Variants in TMTC1 observed in about 807,000 individuals in gnomAD.
TMTC1 encodes the protein protein O-mannosyl-transferase TMTC1.
TMTC1 carries 73 observed loss-of-function variants against 104.8 expected under a neutral mutation model. That is an observed-to-expected ratio of 0.70 (90% confidence interval 0.58 to 0.85). TMTC1 has a LOEUF of 0.85. Among genes scored for constraint, TMTC1 ranks in the 40% least tolerant of loss-of-function variants. The probability of loss-of-function intolerance (pLI) is 0.00; values close to 1 mark genes in which losing one functional copy is unlikely to be tolerated. For synonymous variants in TMTC1, 434 were observed against 428.7 expected (o/e 1.01, Z -0.15); for missense variants, 1,035 against 1,096.1 (o/e 0.94, Z 0.79).
At chr12:29,642,786 G>A (rs1027923142) in intron 5 of TMTC1, among the ~76,000 whole-genome samples, 1 of 152,018 alleles carries the variant, frequency 6.6e-6, no homozygotes, top group Non-Finnish European at 1.5e-5. Flanking sequence ...TTAGCCGGGC[G>A]TGGTGGCGGG....
intron 5 of TMTC1, among the ~76,000 whole-genome samples, chr12:29,639,661 C>T (rs769755899): frequency 3.2e-4 from 48 of 152,174 alleles, no homozygotes; most frequent in Non-Finnish European, 1.8e-4. Flanking sequence ...CAAGTGTTTA[C>T]CAAAAGACAT....
intron 7 of TMTC1, among the ~76,000 whole-genome samples, chr12:29,596,798 T>C (rs1301733687): frequency 6.6e-6 from 1 of 152,234 alleles, no homozygotes; most frequent in Non-Finnish European, 1.5e-5. Context: ...ACTGAATATT[T>C]GGCTCTGCCT....
In TMTC1 at chr12:29,644,109, A is replaced by ATGTGTG. The variant is rs1370093408; in HGVS notation, c.939-10774_939-10773insCACACA. Among the ~76,000 whole-genome samples the ATGTGTG allele has an allele frequency of 1.1e-4, 5 of 45,998 alleles. No individual in the cohort carries two copies. The Admixed American group carries it at 1.8e-3, about 17-fold the overall frequency. The allele number at this position is 45,998 out of a possible 152,430, so 30.2% of individuals were successfully genotyped here. On this transcript the variant is annotated intron_variant, in intron 5 of 17. Transcript: ENST00000539277. ...AATATAAATATAAATATATAAATAT[A>ATGTGTG]TATGTGTGTGTGTGTGTGTGTGTGT...
At chr12:29,612,833 A>G (rs912204474) in intron 6 of TMTC1, among the ~76,000 whole-genome samples, 1 of 152,206 alleles carries the variant, frequency 6.6e-6, no homozygotes, top group Non-Finnish European at 1.5e-5. Context: ...GTAAGTCGAT[A>G]TTATATCTGA....
intron 11 of TMTC1, among the ~76,000 whole-genome samples, chr12:29,530,671 GCA>G (rs1944477666): frequency 6.6e-6 from 1 of 152,122 alleles, no homozygotes; most frequent in Non-Finnish European, 1.5e-5. Context: ...CTCCTTCAAA[GCA>G]CCTGCTTTTG....
intron 5 of TMTC1, among the ~76,000 whole-genome samples, chr12:29,643,514 A>G (rs12812217): frequency 3.5e-5 from 2 of 56,814 alleles, no homozygotes; most frequent in African/African-American, 7.7e-5. Context: ...TATTTTATAT[A>G]TAATATAATA....
chr12:29,735,275 T>C (rs1333958196), intron 5 of TMTC1, among the ~76,000 whole-genome samples: 1 of 152,172 alleles, frequency 6.6e-6, no homozygotes, highest in African/African-American at 2.4e-5. Flanking sequence ...GAATTAAGAC[T>C]CAGGAGCCAT....
intron 9 of TMTC1, among the ~76,000 whole-genome samples, chr12:29,557,517 C>A (rs1260246647): frequency 6.6e-6 from 1 of 152,244 alleles, no homozygotes; most frequent in Non-Finnish European, 1.5e-5. Context: ...GTGGCACGAT[C>A]TTGGCTCACT....
intron 10 of TMTC1, among the ~76,000 whole-genome samples, chr12:29,556,538 G>A (rs1394646175): frequency 6.6e-6 from 1 of 152,150 alleles, no homozygotes; most frequent in Non-Finnish European, 1.5e-5. Context: ...AAAGCTTCTT[G>A]CCATAAATAA....
At chr12:29,714,594 A>C (rs558903130) in intron 5 of TMTC1, among the ~76,000 whole-genome samples, 1 of 152,366 alleles carries the variant, frequency 6.6e-6, no homozygotes, top group East Asian at 1.9e-4. Flanking sequence ...AATCACAAAC[A>C]TCTTTGTGTT....
At chr12:29,556,836 G>T in intron 10 of TMTC1, 21 bp downstream of exon 10, 1 of 1,612,878 alleles carries the variant, frequency 6.2e-7, no homozygotes, top group South Asian at 1.1e-5. Context: ...CCACCTGATC[G>T]ATGGTAAACG....
intron 5 of TMTC1, among the ~76,000 whole-genome samples, chr12:29,731,864 T>C (rs1161554021): frequency 1.3e-5 from 2 of 152,202 alleles, no homozygotes; most frequent in African/African-American, 2.4e-5. Flanking sequence ...TTTCCATTAC[T>C]ATACAGTTTT....
At chr12:29,574,488 C>G (rs143894405) in intron 8 of TMTC1, among the ~76,000 whole-genome samples, 23 of 152,308 alleles carry the variant, frequency 1.5e-4, no homozygotes, top group Non-Finnish European at 2.4e-4. Context: ...TAACAAAACA[C>G]AAAACCCATA....
At chr12:29,672,169 C>T (rs1940542688) in intron 5 of TMTC1, among the ~76,000 whole-genome samples, 1 of 152,220 alleles carries the variant, frequency 6.6e-6, no homozygotes, top group Non-Finnish European at 1.5e-5. Context: ...TCCATGATTT[C>T]ACCCAGGCAG....
Position 29,572,118 on chromosome 12 carries a change from T to C in TMTC1, c.1519A>G (p.Arg507Gly), listed in dbSNP as rs1282406734. ...GRNKEAIYHY[R>G]TALKLYPRHA... is the part of the protein sequence containing the mutation. ...TGTGGCGCTTACTTGAGAGCTGTTC[T>C]GTAGTGGTAGATCGCTTCCTTGTTC... Residue 507 changes from arginine to glycine, a missense_variant, in exon 9 of 18, where the codon AGA becomes GGA. Arg to Gly is a moderately radical substitution (Grantham distance 125). Transcript: ENST00000539277. The C allele has an allele frequency of 1.2e-6, 2 of 1,613,852 alleles. No individual in the cohort carries two copies. Among genetic ancestry groups the C allele is most frequent in the South Asian group, 1.1e-5 (1 of 91,078 alleles).
At chr12:29,554,152 C>T (rs1592222968) in intron 10 of TMTC1, among the ~76,000 whole-genome samples, 1 of 152,134 alleles carries the variant, frequency 6.6e-6, no homozygotes, top group Non-Finnish European at 1.5e-5. Flanking sequence ...ATCCTTAGAA[C>T]TTCACATAAA....
intron 5 of TMTC1, among the ~76,000 whole-genome samples, chr12:29,713,313 AC>A (rs1941985508): frequency 1.3e-5 from 2 of 148,698 alleles, no homozygotes. Flanking sequence ...ACACACACAC[AC>A]ACACACACAC....
intron 1 of TMTC1, among the ~76,000 whole-genome samples, chr12:29,778,928 A>G (rs940136745): frequency 6.6e-6 from 1 of 152,208 alleles, no homozygotes; most frequent in African/African-American, 2.4e-5. Context: ...AGAGAGGGTG[A>G]ATGGACTTGA....
intron 8 of TMTC1, among the ~76,000 whole-genome samples, chr12:29,577,379 C>T (rs1222996799): frequency 6.6e-6 from 1 of 152,162 alleles, no homozygotes; most frequent in African/African-American, 2.4e-5. Context: ...ACAAAACTTG[C>T]TGCAGACAAA....
Sources: allele counts gnomAD v4.1 joint callset (sites outside exome capture counted in the v4.1 genomes callset), GRCh38; gene constraint gnomAD v4.1.1; transcripts MANE v1.5; gene names NCBI Gene and HGNC (gene_info 2026-07-23, HGNC 2026-07-21).